The following SLC24A2 variants were observed in gnomAD, a reference collection of about 807,000 sequenced individuals.
SLC24A2 encodes sodium/potassium/calcium exchanger 2.
In SLC24A2, 36 loss-of-function variants were observed where a neutral mutation model predicts 62.0. The observed-to-expected ratio is 0.58, with a 90% confidence interval of 0.44 to 0.77. The LOEUF (loss-of-function observed/expected upper bound fraction) is 0.77, where lower values mean the gene tolerates loss of function less well. Among genes scored for constraint, SLC24A2 ranks in the 30% least tolerant of loss-of-function variants. SLC24A2 has a pLI of 0.00. For missense variants in SLC24A2, 846 were observed against 817.9 expected, an observed-to-expected ratio of 1.03 and a Z score of -0.42; for synonymous variants, 358 against 294.0, an observed-to-expected ratio of 1.22 and a Z score of -2.23.
the SLC24A2 span, among the ~76,000 whole-genome samples, chr9:20,237,678 AT>A: frequency 6.6e-6 from 1 of 151,374 alleles, no homozygotes; most frequent in Non-Finnish European, 1.5e-5. Context: ...AAGCACTCCG[AT>A]TTTTTTTTGT....
At chr9:19,957,113 G>A in the SLC24A2 span, among the ~76,000 whole-genome samples, 1 of 152,204 alleles carries the variant, frequency 6.6e-6, no homozygotes. Context: ...CTTGTCTAGA[G>A]TAAATGATAC....
rs10964207 is a variant in SLC24A2, at chr9:19,561,050, C to G, written c.1348-10782G>C. Reference sequence around the variant, plus strand: ...GAGGAATTCTCTTTCCTCAGCCTCCCGAGTAGCTGGGATTACAGGTGCCAG... The same window carrying G: ...GAGGAATTCTCTTTCCTCAGCCTCCGGAGTAGCTGGGATTACAGGTGCCAG... On this transcript the variant is annotated intron_variant, in intron 7 of 10. Transcript: ENST00000341998. Among the ~76,000 whole-genome samples, 66 of 152,072 alleles carry G rather than the reference C, an allele frequency of 4.3e-4. No individual in the cohort carries two copies. The East Asian group carries it at 6.6e-3, about 15-fold the overall frequency.
chr9:19,885,529 A>G, the SLC24A2 span, among the ~76,000 whole-genome samples: 1 of 152,238 alleles, frequency 6.6e-6, no homozygotes. Context: ...TGAGGAAACA[A>G]GCTCAGAGTT....
At chr9:20,251,811 C>T in the SLC24A2 span, among the ~76,000 whole-genome samples, 1 of 152,236 alleles carries the variant, frequency 6.6e-6, no homozygotes, top group Non-Finnish European at 1.5e-5. Flanking sequence ...CTGTCACCCA[C>T]AACATATCAG....
intron 8 of SLC24A2, among the ~76,000 whole-genome samples, chr9:19,532,394 C>T (rs147656178): frequency 2.0e-5 from 3 of 152,206 alleles, no homozygotes; most frequent in African/African-American, 7.2e-5. Flanking sequence ...CCTCACCTGA[C>T]TCCCATATAC....
chr9:19,877,162 T>C, the SLC24A2 span, among the ~76,000 whole-genome samples: 4 of 151,230 alleles, frequency 2.6e-5, no homozygotes, highest in Non-Finnish European at 4.4e-5. Context: ...TCCCTTTTTA[T>C]TGGGCCCCAG....
At chr9:19,771,666 C>A (rs1019194225) in intron 2 of SLC24A2, among the ~76,000 whole-genome samples, 2 of 152,178 alleles carry the variant, frequency 1.3e-5, no homozygotes, top group African/African-American at 4.8e-5. Context: ...CCCCTGGAAA[C>A]CACTGGAGCT....
the SLC24A2 span, among the ~76,000 whole-genome samples, chr9:20,048,316 C>G: frequency 1.3e-5 from 2 of 152,124 alleles, no homozygotes; most frequent in African/African-American, 2.4e-5. Context: ...ACATAATTTG[C>G]TTGATAAGTC....
At chr9:20,025,379 G>A in the SLC24A2 span, among the ~76,000 whole-genome samples, 2 of 152,034 alleles carry the variant, frequency 1.3e-5, no homozygotes, top group Non-Finnish European at 2.9e-5. Flanking sequence ...TCTATATTCA[G>A]TATACAAAAC....
intron 2 of SLC24A2, among the ~76,000 whole-genome samples, chr9:19,763,126 T>C (rs541312405): frequency 3.3e-5 from 5 of 152,288 alleles, no homozygotes; most frequent in East Asian, 1.9e-4. Flanking sequence ...TTGTCTATTA[T>C]TGGTGTATAG....
the SLC24A2 span, among the ~76,000 whole-genome samples, chr9:19,829,802 TATATATATAC>T: frequency 3.6e-4 from 12 of 33,228 alleles, no homozygotes; most frequent in Middle Eastern, 0.021. Flanking sequence ...TGTGTGTATA[TATATATATAC>T]ACACACACAC....
At chr9:20,252,566 T>C in the SLC24A2 span, among the ~76,000 whole-genome samples, 1 of 152,188 alleles carries the variant, frequency 6.6e-6, no homozygotes, top group Non-Finnish European at 1.5e-5. Flanking sequence ...ATGATCTCAC[T>C]TGATTCCCAA....
chr9:19,925,674 G>C, the SLC24A2 span, among the ~76,000 whole-genome samples: 1 of 152,218 alleles, frequency 6.6e-6, no homozygotes, highest in Non-Finnish European at 1.5e-5. Context: ...CTAATTATTA[G>C]AGGAGGATAA....
At chr9:19,881,610 A>G in the SLC24A2 span, among the ~76,000 whole-genome samples, 1 of 152,206 alleles carries the variant, frequency 6.6e-6, no homozygotes, top group Non-Finnish European at 1.5e-5. Context: ...CAGCAAATTC[A>G]CAACCCTTAT....
At chr9:19,977,113 T>TTGTGTGTG in the SLC24A2 span, among the ~76,000 whole-genome samples, 22,639 of 145,138 alleles carry the variant, frequency 0.16, 2,006 homozygotes, top group Admixed American at 0.26. Context: ...ATTTCTATAT[T>TTGTGTGTG]TGTGTGTGTG....
At chr9:20,189,618 A>G in the SLC24A2 span, among the ~76,000 whole-genome samples, 9 of 152,268 alleles carry the variant, frequency 5.9e-5, no homozygotes, top group South Asian at 1.9e-3. Context: ...GATCTCATTA[A>G]AAGTGGAGCT....
At chr9:20,302,909 A>T in the SLC24A2 span, among the ~76,000 whole-genome samples, 3 of 152,226 alleles carry the variant, frequency 2.0e-5, no homozygotes. Context: ...CAATGCAATG[A>T]CAGCATATTG....
the SLC24A2 span, among the ~76,000 whole-genome samples, chr9:19,880,717 T>G: frequency 1.3e-5 from 2 of 152,146 alleles, no homozygotes; most frequent in African/African-American, 2.4e-5. Context: ...GCAACTGGCA[T>G]AGACAGGGGC....
intron 2 of SLC24A2, among the ~76,000 whole-genome samples, chr9:19,633,500 C>T (rs985145149): frequency 6.6e-6 from 1 of 152,114 alleles, no homozygotes; most frequent in African/African-American, 2.4e-5. Flanking sequence ...CTAAAGGTGC[C>T]GTGATATCTC....
Sources: gnomAD v4.1 joint callset for allele counts (sites outside exome capture counted in the v4.1 genomes callset) on GRCh38, gnomAD v4.1.1 for gene constraint, MANE v1.5 for transcripts, NCBI Gene and HGNC (gene_info 2026-07-23, HGNC 2026-07-21) for gene names.